GPC6: variants seen among roughly 807,000 people sequenced by gnomAD.
GPC6 encodes glypican-6.
Under a neutral mutation model 55.2 loss-of-function variants are expected in GPC6, and 14 were observed. The ratio of observed to expected loss-of-function variants is 0.25; its 90% confidence interval spans 0.17 to 0.40. GPC6 has a LOEUF of 0.40. GPC6 is among the 10% of genes least tolerant of loss of function. The pLI, the probability that GPC6 is intolerant of heterozygous loss-of-function variation, is 1.00. For synonymous variants in GPC6, 278 were observed against 259.6 expected, an observed-to-expected ratio of 1.07 and a Z score of -0.68; for missense variants, 641 against 708.5, an observed-to-expected ratio of 0.90 and a Z score of 1.08.
chr13:93,885,011 G>A (rs1435749317), intron 3 of GPC6, among the ~76,000 whole-genome samples: 4 of 152,080 alleles, frequency 2.6e-5, no homozygotes, highest in Admixed American at 1.3e-4. Flanking sequence ...AGGGAAGTGG[G>A]TTAATGAATG....
chr13:93,617,400 A>G (rs189745469), intron 2 of GPC6, among the ~76,000 whole-genome samples: 9 of 152,224 alleles, frequency 5.9e-5, no homozygotes, highest in Admixed American at 3.9e-4. Context: ...TCTTAGTACA[A>G]TGACTGCTCA....
At chr13:93,944,111 C>T (rs1878869309) in intron 3 of GPC6, among the ~76,000 whole-genome samples, 2 of 152,160 alleles carry the variant, frequency 1.3e-5, no homozygotes, top group East Asian at 3.9e-4. Context: ...TTACAAAAGA[C>T]TTCTATAATT....
chr13:93,346,564 G>T (rs2139158038), intron 1 of GPC6, among the ~76,000 whole-genome samples: 1 of 152,240 alleles, frequency 6.6e-6, no homozygotes, highest in South Asian at 2.1e-4. Context: ...TGCCTTTTAT[G>T]TCCCCAAGTG....
At chr13:93,820,756 T>C (rs1231854957) in intron 2 of GPC6, among the ~76,000 whole-genome samples, 4 of 151,966 alleles carry the variant, frequency 2.6e-5, no homozygotes, top group Non-Finnish European at 5.9e-5. Flanking sequence ...CTCCTGGGAC[T>C]CATTAGACTA....
At chr13:93,253,747 A>G (rs1202539521) in intron 1 of GPC6, among the ~76,000 whole-genome samples, 2 of 152,172 alleles carry the variant, frequency 1.3e-5, no homozygotes, top group African/African-American at 4.8e-5. Context: ...CCTCCTGAGA[A>G]ATGTCAGCTC....
At chr13:94,326,728 AAC>A (rs1877139403) in intron 6 of GPC6, among the ~76,000 whole-genome samples, 1 of 152,242 alleles carries the variant, frequency 6.6e-6, no homozygotes, top group Admixed American at 6.5e-5. Context: ...TTGCAGTGAA[AAC>A]ACAGAAAATG....
At chr13:93,517,419 T>C (rs1193550551) in intron 1 of GPC6, among the ~76,000 whole-genome samples, 4 of 152,164 alleles carry the variant, frequency 2.6e-5, no homozygotes, top group Non-Finnish European at 5.9e-5. Context: ...ATTTAATTGC[T>C]TTAATTCTTG....
chr13:93,386,143 A>T (rs2139210824), intron 1 of GPC6, among the ~76,000 whole-genome samples: 1 of 151,446 alleles, frequency 6.6e-6, no homozygotes, highest in South Asian at 2.1e-4. Context: ...ATACTCAGTC[A>T]AATTCTATTA....
chr13:93,915,570 G>T (rs2140340103), intron 3 of GPC6, among the ~76,000 whole-genome samples: 1 of 152,308 alleles, frequency 6.6e-6, no homozygotes, highest in East Asian at 1.9e-4. Context: ...TTACATAGTG[G>T]CAGTGTTCCA....
intron 3 of GPC6, among the ~76,000 whole-genome samples, chr13:93,924,922 C>A (rs945118335): frequency 2.6e-5 from 4 of 152,056 alleles, no homozygotes; most frequent in Non-Finnish European, 5.9e-5. Flanking sequence ...CTACATTAAG[C>A]TCATTAACGT....
intron 6 of GPC6, among the ~76,000 whole-genome samples, chr13:94,361,226 T>C (rs1879045576): frequency 6.6e-6 from 1 of 152,210 alleles, no homozygotes; most frequent in Non-Finnish European, 1.5e-5. Flanking sequence ...CTCCTTGTTG[T>C]ACAGGTCAAG....
intron 3 of GPC6, among the ~76,000 whole-genome samples, chr13:93,835,750 CTAAATAAA>C (rs970032893): frequency 9.2e-5 from 14 of 151,940 alleles, no homozygotes; most frequent in African/African-American, 3.4e-4. Flanking sequence ...AAAACTCCTT[CTAAATAAA>C]TAAATAAATA....
At chr13:94,325,404 C>T (rs1236846470) in intron 6 of GPC6, among the ~76,000 whole-genome samples, 1 of 152,190 alleles carries the variant, frequency 6.6e-6, no homozygotes, top group Non-Finnish European at 1.5e-5. Context: ...AACGTTAAAT[C>T]AACTATGCAT....
chr13:93,524,861 A>G (rs1881588048), intron 1 of GPC6, among the ~76,000 whole-genome samples: 2 of 152,084 alleles, frequency 1.3e-5, no homozygotes, highest in Non-Finnish European at 2.9e-5. Flanking sequence ...GTGTGTATGT[A>G]CCTCGCCATG....
At chr13:93,607,614 G>T (rs1035987042) in intron 2 of GPC6, among the ~76,000 whole-genome samples, 6 of 152,210 alleles carry the variant, frequency 3.9e-5, no homozygotes, top group African/African-American at 9.7e-5. Context: ...ATGGCAGAAT[G>T]ATGGTGGAGG....
intron 4 of GPC6, among the ~76,000 whole-genome samples, chr13:94,102,202 A>T (rs777333880): frequency 2.6e-4 from 40 of 152,018 alleles, no homozygotes; most frequent in Non-Finnish European, 5.6e-4. Context: ...ATTTTAAGTC[A>T]CTTTCTGTTG....
At chr13:94,303,052 G>A (rs1383859928) in intron 5 of GPC6, among the ~76,000 whole-genome samples, 3 of 152,256 alleles carry the variant, frequency 2.0e-5, no homozygotes, top group Non-Finnish European at 2.9e-5. Flanking sequence ...GGAGGGGTGG[G>A]AGTCAGCAGT....
chr13:93,948,110 T>C (rs2140369956), intron 3 of GPC6, among the ~76,000 whole-genome samples: 1 of 152,292 alleles, frequency 6.6e-6, no homozygotes, highest in Non-Finnish European at 1.5e-5. Context: ...AGTTACATAA[T>C]TTTAACTTGT....
At chr13:93,794,906 G>A (rs887781861) in intron 2 of GPC6, among the ~76,000 whole-genome samples, 15 of 152,106 alleles carry the variant, frequency 9.9e-5, no homozygotes, top group African/African-American at 2.9e-4. Flanking sequence ...CTCTTCAAGC[G>A]TGCTTTATAA....
Sources: allele counts gnomAD v4.1 joint callset (sites outside exome capture counted in the v4.1 genomes callset), GRCh38; gene constraint gnomAD v4.1.1; transcripts MANE v1.5; gene names NCBI Gene and HGNC (gene_info 2026-07-23, HGNC 2026-07-21).